The following TAFA2 variants were observed in gnomAD, a reference collection of about 807,000 sequenced individuals.
TAFA2 encodes TAFA chemokine like family member 2.
A neutral mutation model predicts 18.8 loss-of-function variants in TAFA2; 7 were observed. The observed-to-expected ratio is 0.37, with a 90% CI of 0.21 to 0.70. TAFA2 has a LOEUF of 0.70. TAFA2 is among the 30% of genes least tolerant of loss of function. The pLI is 0.53. For missense variants in TAFA2, 122 were observed against 158.1 expected, an observed-to-expected ratio of 0.77 and a Z score of 1.23; for synonymous variants, 60 against 54.2, an observed-to-expected ratio of 1.11 and a Z score of -0.47.
chr12:62,009,353 T>G (rs1034505568), intron 1 of TAFA2, among the ~76,000 whole-genome samples: 2 of 152,198 alleles, frequency 1.3e-5, no homozygotes, highest in Non-Finnish European at 2.9e-5. Flanking sequence ...ATGTATTCAT[T>G]TATTCATTTA....
chr12:61,776,561 G>A (rs1225457614), intron 2 of TAFA2, among the ~76,000 whole-genome samples: 1 of 151,754 alleles, frequency 6.6e-6, no homozygotes, highest in Admixed American at 6.6e-5. Flanking sequence ...CATGAGAATG[G>A]GGATTAGGAA....
At chr12:62,065,239 A>G (rs1179695605) in intron 1 of TAFA2, among the ~76,000 whole-genome samples, 2 of 152,078 alleles carry the variant, frequency 1.3e-5, no homozygotes, top group Non-Finnish European at 2.9e-5. Flanking sequence ...ACTAAGAAAA[A>G]GCTCGTTAAG....
chr12:61,970,691 T>C (rs532081096), intron 1 of TAFA2, among the ~76,000 whole-genome samples: 11 of 151,080 alleles, frequency 7.3e-5, no homozygotes, highest in African/African-American at 1.7e-4. Context: ...TTAACAAACA[T>C]GCATTAAAGA....
At chr12:61,834,314 A>T (rs78426682) in intron 2 of TAFA2, among the ~76,000 whole-genome samples, 2,715 of 152,138 alleles carry the variant, frequency 0.018, 79 homozygotes, top group African/African-American at 0.063. Flanking sequence ...ATAAGCAGGA[A>T]GTCAGAAAGA....
At chr12:62,107,145 T>A (rs1869495780) in intron 1 of TAFA2, among the ~76,000 whole-genome samples, 1 of 152,186 alleles carries the variant, frequency 6.6e-6, no homozygotes. Flanking sequence ...TGCAGGTCAT[T>A]CTCTACTTCA....
chr12:61,779,789 G>A (rs1216725987), intron 2 of TAFA2, among the ~76,000 whole-genome samples: 1 of 151,726 alleles, frequency 6.6e-6, no homozygotes, highest in East Asian at 1.9e-4. Flanking sequence ...CTTGAGACTT[G>A]CCCAGGTATG....
chr12:61,780,714 A>G (rs1315998143), intron 2 of TAFA2, among the ~76,000 whole-genome samples: 1 of 151,708 alleles, frequency 6.6e-6, no homozygotes, highest in African/African-American at 2.4e-5. Flanking sequence ...TCTCCCTGCT[A>G]AAGTCCTTCA....
At chr12:61,895,741 G>A (rs1317513799) in intron 1 of TAFA2, among the ~76,000 whole-genome samples, 2 of 152,042 alleles carry the variant, frequency 1.3e-5, no homozygotes, top group African/African-American at 2.4e-5. Flanking sequence ...CGTATCACAG[G>A]AGTCCATGCC....
At chr12:62,099,137 G>A (rs1869076205) in intron 1 of TAFA2, among the ~76,000 whole-genome samples, 1 of 152,054 alleles carries the variant, frequency 6.6e-6, no homozygotes, top group Non-Finnish European at 1.5e-5. Context: ...TGGTAATGAT[G>A]ATATAAGGAG....
At chr12:61,813,090 T>C (rs1871940707) in intron 2 of TAFA2, among the ~76,000 whole-genome samples, 1 of 151,478 alleles carries the variant, frequency 6.6e-6, no homozygotes, top group African/African-American at 2.5e-5. Flanking sequence ...ATTCCATCAA[T>C]TGGCTAGATC....
At chr12:61,971,944 G>A (rs1053827178) in intron 1 of TAFA2, among the ~76,000 whole-genome samples, 2 of 151,668 alleles carry the variant, frequency 1.3e-5, no homozygotes, top group African/African-American at 4.8e-5. Flanking sequence ...GAACAGAATT[G>A]AGAGTCCAGA....
At chr12:61,994,632 G>T (rs770985126) in intron 1 of TAFA2, among the ~76,000 whole-genome samples, 1 of 151,866 alleles carries the variant, frequency 6.6e-6, no homozygotes, top group Non-Finnish European at 1.5e-5. Flanking sequence ...CCTCAAAATT[G>T]TTCTGGTCAA....
intron 1 of TAFA2, among the ~76,000 whole-genome samples, chr12:62,246,852 T>C (rs986604684): frequency 6.6e-6 from 1 of 152,210 alleles, no homozygotes; most frequent in East Asian, 1.9e-4. Context: ...GCCTGGCATG[T>C]TGTTTTCTAT....
In TAFA2 at chr12:61,802,796, T is replaced by G. The variant is rs544326501; in HGVS notation, c.107-47772A>C. On this transcript the variant is annotated intron_variant, in intron 2 of 4. Coordinates refer to ENST00000416284, the MANE Select transcript of TAFA2 (RefSeq NM_178539.5). ...ATGTTTGAGGCAATGAATATAATAA[T>G]TACTTTTATTTGATCATTACACATT... 2.6e-5 allele frequency among the ~76,000 whole-genome samples: 4 copies of G among 152,156 alleles called. No individual in the cohort carries two copies. In the South Asian group the frequency reaches 8.3e-4, roughly 32 times the overall value.
At chr12:62,114,456 C>G (rs563494148) in intron 1 of TAFA2, among the ~76,000 whole-genome samples, 10 of 152,234 alleles carry the variant, frequency 6.6e-5, no homozygotes, top group Admixed American at 5.2e-4. Context: ...CCCAGGTCCC[C>G]TCATAAAACT....
chr12:62,050,161 C>A (rs1487768649), intron 1 of TAFA2, among the ~76,000 whole-genome samples: 4 of 152,306 alleles, frequency 2.6e-5, no homozygotes, highest in Non-Finnish European at 1.5e-5. Context: ...ATTGTTACTA[C>A]TACTGATGGG....
At chr12:61,912,943 G>A (rs1876672080) in intron 1 of TAFA2, among the ~76,000 whole-genome samples, 1 of 152,144 alleles carries the variant, frequency 6.6e-6, no homozygotes, top group South Asian at 2.1e-4. Flanking sequence ...AGTTAAAAAT[G>A]TATAGAATCC....
intron 1 of TAFA2, among the ~76,000 whole-genome samples, chr12:61,948,501 T>C (rs1446677415): frequency 1.3e-5 from 2 of 151,994 alleles, no homozygotes; most frequent in Non-Finnish European, 2.9e-5. Flanking sequence ...AATAAGACAA[T>C]TAGAGATATA....
At chr12:61,993,349 T>C (rs1880072833) in intron 1 of TAFA2, among the ~76,000 whole-genome samples, 1 of 152,170 alleles carries the variant, frequency 6.6e-6, no homozygotes, top group Non-Finnish European at 1.5e-5. Flanking sequence ...GAAAATAATC[T>C]CAAGTGTACA....
Sources: gnomAD v4.1 joint callset for allele counts (sites outside exome capture counted in the v4.1 genomes callset) on GRCh38, gnomAD v4.1.1 for gene constraint, MANE v1.5 for transcripts, NCBI Gene and HGNC (gene_info 2026-07-23, HGNC 2026-07-21) for gene names.